The following SOX5 variants were observed in gnomAD, a reference collection of about 807,000 sequenced individuals.
The protein encoded by SOX5 is transcription factor SOX-5.
In SOX5, 9 loss-of-function variants were observed where a neutral mutation model predicts 92.0. The observed-to-expected ratio is 0.10, with a 90% CI of 0.06 to 0.17. The LOEUF (loss-of-function observed/expected upper bound fraction) is 0.17, where lower values mean the gene tolerates loss of function less well. Among genes scored for constraint, SOX5 ranks in the 10% least tolerant of loss-of-function variants. The probability of loss-of-function intolerance (pLI) is 1.00; values close to 1 mark genes in which losing one functional copy is unlikely to be tolerated. For synonymous variants in SOX5, 344 were observed against 336.3 expected (o/e 1.02, Z -0.25); for missense variants, 642 against 944.5 (o/e 0.68, Z 4.20).
At chr12:23,746,143 C>T (rs2093977102) in intron 4 of SOX5, among the ~76,000 whole-genome samples, 1 of 152,158 alleles carries the variant, frequency 6.6e-6, no homozygotes, top group African/African-American at 2.4e-5. Flanking sequence ...ACGGCTTCAT[C>T]TCTAAATTAT....
At chr12:23,755,768 C>CA in intron 3 of SOX5, 44 bp from the exon 4 acceptor site, 1 of 1,269,200 alleles carries the variant, frequency 7.9e-7, no homozygotes, top group Non-Finnish European at 1.1e-6. Flanking sequence ...CATGACTCTC[C>CA]TTACAATGGA....
chr12:24,250,829 T>C (rs1157830492), intron 3 of SOX5, among the ~76,000 whole-genome samples: 2 of 152,152 alleles, frequency 1.3e-5, no homozygotes, highest in Non-Finnish European at 2.9e-5. Context: ...ACCTTCCCCA[T>C]GGGCTTTCCC....
At chr12:23,700,411 A>G (rs1447761149) in intron 6 of SOX5, among the ~76,000 whole-genome samples, 1 of 152,040 alleles carries the variant, frequency 6.6e-6, no homozygotes, top group Admixed American at 6.6e-5. Flanking sequence ...CTCTCTTGAG[A>G]CTTTTCATTT....
At chr12:24,221,044 T>C (rs1960284763) in intron 3 of SOX5, among the ~76,000 whole-genome samples, 1 of 152,228 alleles carries the variant, frequency 6.6e-6, no homozygotes, top group African/African-American at 2.4e-5. Flanking sequence ...TAGTTGTCTA[T>C]GGTCCCATGT....
chr12:24,505,826 G>GGTGT (rs1378354543), intron 1 of SOX5, among the ~76,000 whole-genome samples: 4 of 83,954 alleles, frequency 4.8e-5, no homozygotes, highest in African/African-American at 1.7e-4. Context: ...GCCAAGGCTT[G>GGTGT]GTATGTGTGT....
At chr12:24,416,169 T>G (rs773359707) in intron 1 of SOX5, among the ~76,000 whole-genome samples, 8 of 152,160 alleles carry the variant, frequency 5.3e-5, no homozygotes, top group Non-Finnish European at 1.2e-4. Context: ...GGCCAGGGAT[T>G]TTTGAAAGAA....
intron 4 of SOX5, among the ~76,000 whole-genome samples, chr12:24,195,392 A>G (rs977383222): frequency 5.9e-5 from 9 of 152,202 alleles, no homozygotes; most frequent in Non-Finnish European, 1.0e-4. Flanking sequence ...CCTACAAACT[A>G]CAAGAGAACC....
intron 1 of SOX5, among the ~76,000 whole-genome samples, chr12:24,441,854 A>G (rs898665531): frequency 3.0e-4 from 45 of 152,200 alleles, no homozygotes; most frequent in African/African-American, 1.0e-3. Context: ...ATGTATAATG[A>G]TTATAAAACT....
chr12:24,441,031 C>A (rs1397655402), intron 1 of SOX5, among the ~76,000 whole-genome samples: 1 of 152,180 alleles, frequency 6.6e-6, no homozygotes, highest in African/African-American at 2.4e-5. Flanking sequence ...GCAAGTTGGG[C>A]AGGAATTCTT....
At chr12:24,039,172 T>C (rs1262178133) in intron 4 of SOX5, among the ~76,000 whole-genome samples, 5 of 152,292 alleles carry the variant, frequency 3.3e-5, no homozygotes, top group Admixed American at 1.3e-4. Context: ...CTGTGAGTTT[T>C]CCCAACACAT....
At chr12:24,065,445 G>A (rs1015810983) in intron 4 of SOX5, among the ~76,000 whole-genome samples, 8 of 151,956 alleles carry the variant, frequency 5.3e-5, no homozygotes, top group Non-Finnish European at 1.2e-4. Flanking sequence ...TCAAGACATC[G>A]AGAACATCCT....
chr12:23,545,252 C>G (rs1942889521), intron 12 of SOX5, among the ~76,000 whole-genome samples: 1 of 152,172 alleles, frequency 6.6e-6, no homozygotes, highest in Non-Finnish European at 1.5e-5. Context: ...CCTTTGTGCA[C>G]TCTTCTCTAT....
At chr12:24,496,593 G>A (rs1416339526) in intron 1 of SOX5, among the ~76,000 whole-genome samples, 1 of 152,102 alleles carries the variant, frequency 6.6e-6, no homozygotes, top group Non-Finnish European at 1.5e-5. Flanking sequence ...ATACAAAAAA[G>A]CCTAGAGGGA....
intron 4 of SOX5, among the ~76,000 whole-genome samples, chr12:24,123,313 C>T (rs1948803445): frequency 1.3e-5 from 2 of 152,210 alleles, no homozygotes; most frequent in South Asian, 2.1e-4. Context: ...TAATACTACA[C>T]AATGTGCCAT....
chr12:23,537,729 G>C (rs898637329), intron 13 of SOX5, among the ~76,000 whole-genome samples: 1 of 151,550 alleles, frequency 6.6e-6, no homozygotes, highest in Non-Finnish European at 1.5e-5. Flanking sequence ...TTTAGATATG[G>C]TTTAAAACTT....
chr12:24,323,873 G>T (rs895944524), intron 2 of SOX5, among the ~76,000 whole-genome samples: 1 of 152,082 alleles, frequency 6.6e-6, no homozygotes, highest in Admixed American at 6.6e-5. Context: ...AATTTACAAG[G>T]AGAGCTAGTG....
At chr12:24,341,633 T>A (rs1009400543) in intron 2 of SOX5, among the ~76,000 whole-genome samples, 1 of 152,202 alleles carries the variant, frequency 6.6e-6, no homozygotes, top group Non-Finnish European at 1.5e-5. Flanking sequence ...GGAAGTCAAA[T>A]CCTGCAAATA....
intron 3 of SOX5, chr12:24,277,103 A>G (rs551794919): frequency 7.4e-4 from 113 of 152,166 alleles, no homozygotes; most frequent in African/African-American, 2.6e-3. Flanking sequence ...CATATGTTTT[A>G]TATATTTTTA....
intron 4 of SOX5, among the ~76,000 whole-genome samples, chr12:24,031,442 T>C (rs1955500703): frequency 6.6e-6 from 1 of 151,720 alleles, no homozygotes; most frequent in Admixed American, 6.6e-5. Flanking sequence ...GAAAGACAAA[T>C]ACTGTATGTT....
Sources: gnomAD v4.1 joint callset for allele counts (sites outside exome capture counted in the v4.1 genomes callset) on GRCh38, gnomAD v4.1.1 for gene constraint, MANE v1.5 for transcripts, NCBI Gene and HGNC (gene_info 2026-07-23, HGNC 2026-07-21) for gene names.